The following SLC7A11 variants were observed in gnomAD, a reference collection of about 807,000 sequenced individuals.
SLC7A11 encodes solute carrier family 7 member 11.
SLC7A11 carries 35 observed loss-of-function variants against 54.5 expected under a neutral mutation model. The ratio of observed to expected loss-of-function variants is 0.64; its 90% CI spans 0.49 to 0.85. The LOEUF (loss-of-function observed/expected upper bound fraction) is 0.85, where lower values mean the gene tolerates loss of function less well. Ranked by LOEUF, SLC7A11 falls within the 40% of genes least tolerant of loss-of-function variation. SLC7A11 has a pLI of 0.00. For synonymous variants in SLC7A11, 230 were observed against 225.2 expected, an observed-to-expected ratio of 1.02 and a Z score of -0.19; for missense variants, 583 against 618.1, an observed-to-expected ratio of 0.94 and a Z score of 0.60.
chr4:138,237,492 G>T (rs1738240990), intron 1 of SLC7A11, among the ~76,000 whole-genome samples: 1 of 148,874 alleles, frequency 6.7e-6, no homozygotes, highest in Non-Finnish European at 1.5e-5. Context: ...CTGCCTCCTA[G>T]GTTCAAGCAA....
At chr4:138,199,199 C>T in intron 6 of SLC7A11, among the ~76,000 whole-genome samples, 1 of 152,096 alleles carries the variant, frequency 6.6e-6, no homozygotes, top group East Asian at 1.9e-4. Context: ...CACGCACAAA[C>T]TGTGGGGGAA....
chr4:138,196,576 T>G (rs1737136683), intron 6 of SLC7A11, among the ~76,000 whole-genome samples: 1 of 152,024 alleles, frequency 6.6e-6, no homozygotes, highest in Admixed American at 6.6e-5. Flanking sequence ...TGAAGCACCA[T>G]GGGGAAAAAA....
intron 6 of SLC7A11, 95 bp downstream of exon 6, chr4:138,214,490 C>T (rs1195800626): frequency 6.4e-6 from 4 of 626,154 alleles, no homozygotes; most frequent in African/African-American, 3.9e-5. Flanking sequence ...GGTTGACTAG[C>T]CCACACTGAA....
At chr4:138,237,725 ATATATATATATATTTTTTTTTTTTTT>A (rs1416885362) in intron 1 of SLC7A11, among the ~76,000 whole-genome samples, 3 of 8,356 alleles carry the variant, frequency 3.6e-4, no homozygotes, top group Non-Finnish European at 6.3e-4. Flanking sequence ...ATATATATAT[ATATATATATATATTTTTTTTTTTTTT>A]TTTTTTTTTT....
chr4:138,173,789 T>G (rs1397078605), intron 11 of SLC7A11, among the ~76,000 whole-genome samples: 1 of 152,134 alleles, frequency 6.6e-6, no homozygotes, highest in East Asian at 1.9e-4. Context: ...ATAAACTGTA[T>G]TTTACACAGC....
chr4:138,226,794 T>C (rs1014218334), intron 3 of SLC7A11, among the ~76,000 whole-genome samples: 16 of 152,350 alleles, frequency 1.1e-4, no homozygotes, highest in African/African-American at 3.8e-4. Flanking sequence ...GGGCCAGCTC[T>C]CTGGTCCTAG....
At chr4:138,234,578 T>A (rs887522304) in intron 2 of SLC7A11, among the ~76,000 whole-genome samples, 7 of 152,034 alleles carry the variant, frequency 4.6e-5, no homozygotes, top group Admixed American at 4.6e-4. Flanking sequence ...TTTTTTTAAA[T>A]TAAAGTAACA....
intron 1 of SLC7A11, among the ~76,000 whole-genome samples, chr4:138,241,350 A>G (rs973893785): frequency 6.6e-6 from 1 of 152,236 alleles, no homozygotes; most frequent in Non-Finnish European, 1.5e-5. Flanking sequence ...GCTAATAAAA[A>G]GTCAGTAAGA....
intron 6 of SLC7A11, among the ~76,000 whole-genome samples, chr4:138,189,324 CA>C (rs1489902989): frequency 6.6e-6 from 1 of 152,052 alleles, no homozygotes; most frequent in Non-Finnish European, 1.5e-5. Flanking sequence ...CATGGGCAAA[CA>C]AAATTTACAA....
intron 9 of SLC7A11, 133 bp from the exon 10 acceptor site, chr4:138,180,923 C>T (rs1424146309): frequency 1.2e-6 from 1 of 849,684 alleles, no homozygotes; most frequent in East Asian, 2.7e-5. Flanking sequence ...ATAGTTAAAA[C>T]TTGGATTTGA....
intron 6 of SLC7A11, among the ~76,000 whole-genome samples, chr4:138,210,092 CA>C (rs1737511669): frequency 6.6e-6 from 1 of 151,862 alleles, no homozygotes; most frequent in African/African-American, 2.4e-5. Context: ...TAAAGTCACA[CA>C]CCTACAACCA....
At chr4:138,230,115 C>T (rs752489428) in intron 3 of SLC7A11, among the ~76,000 whole-genome samples, 31 of 152,112 alleles carry the variant, frequency 2.0e-4, no homozygotes, top group Non-Finnish European at 3.5e-4. Flanking sequence ...TCTGCGGGAA[C>T]ATGGATAGAG....
In SLC7A11 at chr4:138,182,160, C is replaced by T. The variant is rs1033031113; in HGVS notation, c.1116+137G>A. On this transcript the variant is annotated intron_variant, in intron 9 of 11. Transcript: ENST00000280612. The stretch of plus-strand genomic sequence containing the variant: ...GTAAAGGGAAGAGATGGAAGATATC[C>T]TGCCTCCCAAACTCCACCATGACAT... 4 of 575,860 alleles carry T rather than the reference C, an allele frequency of 6.9e-6. No homozygotes were observed. In the South Asian group the frequency reaches 9.3e-5, roughly 13 times the overall value. The allele number at this position is 575,860 out of a possible 1,614,324, so 35.7% of individuals were successfully genotyped here.
At chr4:138,223,645 C>T (rs1342247952) in intron 3 of SLC7A11, among the ~76,000 whole-genome samples, 1 of 152,112 alleles carries the variant, frequency 6.6e-6, no homozygotes, top group Non-Finnish European at 1.5e-5. Context: ...ATAAAAATGT[C>T]TTCTAACCAA....
chr4:138,219,612 A>G (rs747536789), intron 4 of SLC7A11, among the ~76,000 whole-genome samples: 1 of 152,210 alleles, frequency 6.6e-6, no homozygotes, highest in Non-Finnish European at 1.5e-5. Context: ...TGGCATTGAA[A>G]AATAATCCTC....
chr4:138,194,058 C>T (rs558059718), intron 6 of SLC7A11, among the ~76,000 whole-genome samples: 1 of 152,124 alleles, frequency 6.6e-6, no homozygotes, highest in Admixed American at 6.6e-5. Context: ...ATCCACATGC[C>T]AAGGCCACAG....
At chr4:138,190,125 A>G (rs927635704) in intron 6 of SLC7A11, among the ~76,000 whole-genome samples, 1 of 152,152 alleles carries the variant, frequency 6.6e-6, no homozygotes. Flanking sequence ...GGGGCTAGGC[A>G]TGAGGATAGG....
chr4:138,188,895 T>C (rs753349875), intron 6 of SLC7A11, among the ~76,000 whole-genome samples: 2 of 152,222 alleles, frequency 1.3e-5, no homozygotes, highest in South Asian at 4.1e-4. Context: ...TTGTTATGAC[T>C]AACGAAATAC....
chr4:138,214,670 T>C, intron 5 of SLC7A11, 41 bp from the exon 6 acceptor site: 1 of 743,672 alleles, frequency 1.3e-6, no homozygotes. Context: ...TAATATATTT[T>C]ACCATTATCC....
Sources: gnomAD v4.1 joint callset for allele counts (sites outside exome capture counted in the v4.1 genomes callset) on GRCh38, gnomAD v4.1.1 for gene constraint, MANE v1.5 for transcripts, NCBI Gene and HGNC (gene_info 2026-07-23, HGNC 2026-07-21) for gene names.